The following KCNIP4 variants were observed in gnomAD, a reference collection of about 807,000 sequenced individuals.
KCNIP4 encodes the protein potassium voltage-gated channel interacting protein 4.
KCNIP4 carries 12 observed loss-of-function variants against 34.0 expected under a neutral mutation model. That is an observed-to-expected ratio of 0.35 (90% confidence interval 0.23 to 0.57). KCNIP4 has a LOEUF of 0.57. Ranked by LOEUF, KCNIP4 falls within the 20% of genes least tolerant of loss-of-function variation. The pLI is 0.83. For missense variants in KCNIP4, 238 were observed against 311.7 expected (o/e 0.76, Z 1.78); for synonymous variants, 124 against 102.2 (o/e 1.21, Z -1.29).
chr4:20,874,683 CT>C lies in KCNIP4; in HGVS notation c.163+7924del, dbSNP rs200107431. Among the ~76,000 whole-genome samples the C allele has an allele frequency of 3.4e-3, 469 of 138,230 alleles. 1 individual carries two copies. The highest frequency in any genetic ancestry group is 0.012 in the Middle Eastern group (3 of 258). 90.7% of individuals were successfully genotyped at this position (138,230 alleles called of 152,430 possible). On this transcript the variant is annotated intron_variant, in intron 2 of 8. Transcript: ENST00000382152. The stretch of plus-strand genomic sequence containing the variant: ...TGACTTTGGGCAAGCCACTTCATCT[CT>C]TTTTTTTTTTTTTTAGTTTGGAAGA...
At chr4:20,803,751 A>C (rs1018374265) in intron 3 of KCNIP4, among the ~76,000 whole-genome samples, 1 of 146,294 alleles carries the variant, frequency 6.8e-6, no homozygotes, top group Non-Finnish European at 1.5e-5. Flanking sequence ...GGAAGGAAGG[A>C]AGGAAAGAAG....
chr4:21,765,830 A>AC (rs1029255046), intron 1 of KCNIP4, among the ~76,000 whole-genome samples: 1 of 151,358 alleles, frequency 6.6e-6, no homozygotes, highest in Non-Finnish European at 1.5e-5. Context: ...AAAAAAAAAA[A>AC]AAAAAAAAAC....
chr4:21,172,889 A>T (rs1296595359), intron 1 of KCNIP4, among the ~76,000 whole-genome samples: 1 of 152,152 alleles, frequency 6.6e-6, no homozygotes, highest in Admixed American at 6.5e-5. Flanking sequence ...TAGTTCTGAG[A>T]ATTTCTAAGT....
chr4:21,534,423 G>T (rs886328665), intron 1 of KCNIP4, among the ~76,000 whole-genome samples: 4 of 152,092 alleles, frequency 2.6e-5, no homozygotes, highest in African/African-American at 9.7e-5. Flanking sequence ...ATTTTAATGG[G>T]ATTTTGATGA....
At position 20,729,081 on chromosome 4, in the gene KCNIP4, T is replaced by A. The variant is rs1045185182; in HGVS notation, c.*1001A>T. ...CTTGCTAATTTTGCTTGCTGTTTGT[T>A]CTTAGTAGACAGTGGGGTAGTCAAG... On this transcript the variant is annotated 3_prime_UTR_variant, in exon 9 of 9. Coordinates refer to ENST00000382152, the MANE Select transcript of KCNIP4 (RefSeq NM_025221.6). 1 of 152,062 alleles carries A rather than the reference T, an allele frequency of 6.6e-6. No homozygotes were observed. The highest frequency in any genetic ancestry group is 1.5e-5 in the Non-Finnish European group (1 of 68,012). 9.4% of individuals were successfully genotyped at this position (152,062 alleles called of 1,614,324 possible). A position where few individuals can be genotyped will look rare whatever the true frequency, so the allele number is the denominator to read the frequency against.
intron 1 of KCNIP4, among the ~76,000 whole-genome samples, chr4:21,761,106 C>G (rs893235400): frequency 3.3e-5 from 5 of 152,162 alleles, no homozygotes; most frequent in Non-Finnish European, 4.4e-5. Context: ...AGAACATCCT[C>G]TAATAATTTT....
At chr4:21,192,943 CTACTACTACTAATAA>C (rs1313491587) in intron 1 of KCNIP4, among the ~76,000 whole-genome samples, 1 of 145,292 alleles carries the variant, frequency 6.9e-6, no homozygotes, top group African/African-American at 2.6e-5. Context: ...ACTACTACTA[CTACTACTACTAATAA>C]TAATAATAAT....
chr4:20,899,001 A>T (rs182404542), intron 1 of KCNIP4, among the ~76,000 whole-genome samples: 221 of 152,310 alleles, frequency 1.5e-3, no homozygotes, highest in Admixed American at 3.0e-3. Flanking sequence ...ATAGCTAAAG[A>T]TTCAAACTTA....
intron 1 of KCNIP4, among the ~76,000 whole-genome samples, chr4:20,923,154 T>C (rs1166452595): frequency 6.6e-6 from 1 of 152,160 alleles, no homozygotes. Context: ...CATGTAGAAA[T>C]CCTGCTGAGT....
chr4:21,374,980 G>T (rs1284974429), intron 1 of KCNIP4, among the ~76,000 whole-genome samples: 1 of 147,452 alleles, frequency 6.8e-6, no homozygotes, highest in East Asian at 2.0e-4. Context: ...ATTTTTAAAA[G>T]TAACCTTAAA....
At chr4:21,556,936 A>G (rs990416612) in intron 1 of KCNIP4, among the ~76,000 whole-genome samples, 1 of 149,644 alleles carries the variant, frequency 6.7e-6, no homozygotes, top group African/African-American at 2.4e-5. Flanking sequence ...AAAAAAAAAA[A>G]AAAAAAACCA....
At chr4:21,043,422 C>T (rs1339501555) in intron 1 of KCNIP4, among the ~76,000 whole-genome samples, 4 of 152,072 alleles carry the variant, frequency 2.6e-5, no homozygotes, top group African/African-American at 7.2e-5. Context: ...ATCTGCCTCC[C>T]GGGTTCAAGC....
intron 1 of KCNIP4, among the ~76,000 whole-genome samples, chr4:21,124,213 A>T (rs1162754964): frequency 6.6e-6 from 1 of 152,172 alleles, no homozygotes; most frequent in Non-Finnish European, 1.5e-5. Context: ...CAGTGTTTGG[A>T]AAGTCCCACT....
intron 3 of KCNIP4, among the ~76,000 whole-genome samples, chr4:20,761,967 A>G (rs1311432059): frequency 6.6e-6 from 1 of 152,202 alleles, no homozygotes; most frequent in Non-Finnish European, 1.5e-5. Context: ...GACTGCTACA[A>G]TAAACCAGTC....
intron 1 of KCNIP4, among the ~76,000 whole-genome samples, chr4:21,936,517 G>A (rs1197117004): frequency 6.6e-6 from 1 of 151,974 alleles, no homozygotes; most frequent in East Asian, 1.9e-4. Context: ...GCACAGGATG[G>A]GTTGTTATAT....
At chr4:21,657,956 C>T (rs1428700978) in intron 1 of KCNIP4, among the ~76,000 whole-genome samples, 2 of 151,892 alleles carry the variant, frequency 1.3e-5, no homozygotes, top group East Asian at 3.9e-4. Context: ...TCTCCTGCCT[C>T]AGCTTCCTGA....
chr4:21,652,631 C>T (rs1223102735), intron 1 of KCNIP4, among the ~76,000 whole-genome samples: 1 of 152,142 alleles, frequency 6.6e-6, no homozygotes, highest in African/African-American at 2.4e-5. Context: ...GCCAAATTTT[C>T]CATTGAGCCA....
chr4:21,369,174 G>C (rs1720086775), intron 1 of KCNIP4, among the ~76,000 whole-genome samples: 1 of 147,344 alleles, frequency 6.8e-6, no homozygotes, highest in Admixed American at 6.6e-5. Flanking sequence ...CTTAATGGTA[G>C]TGTTATGAGA....
At chr4:21,644,067 T>C (rs1746831518) in intron 1 of KCNIP4, among the ~76,000 whole-genome samples, 1 of 128,188 alleles carries the variant, frequency 7.8e-6, no homozygotes, top group South Asian at 2.6e-4. Flanking sequence ...TAAGGAACGG[T>C]GTCCTGGTTT....
Sources: allele counts gnomAD v4.1 joint callset (sites outside exome capture counted in the v4.1 genomes callset), GRCh38; gene constraint gnomAD v4.1.1; transcripts MANE v1.5; gene names NCBI Gene and HGNC (gene_info 2026-07-23, HGNC 2026-07-21).